Variants in ABAT observed in about 807,000 individuals in gnomAD.
ABAT encodes 4-aminobutyrate aminotransferase.
Under a neutral mutation model 64.6 loss-of-function variants are expected in ABAT, and 45 were observed. The observed-to-expected ratio is 0.70, with a 90% CI of 0.55 to 0.89. ABAT has a LOEUF of 0.89. Ranked by LOEUF, ABAT falls within the 40% of genes least tolerant of loss-of-function variation. The pLI is 0.00. For missense variants in ABAT, 633 were observed against 658.4 expected, an observed-to-expected ratio of 0.96 and a Z score of 0.42; for synonymous variants, 297 against 250.5, an observed-to-expected ratio of 1.19 and a Z score of -1.75.
At chr16:8,703,565 G>A (rs1056519666) in intron 1 of ABAT, among the ~76,000 whole-genome samples, 1 of 152,178 alleles carries the variant, frequency 6.6e-6, no homozygotes, top group Non-Finnish European at 1.5e-5. Context: ...ATGGCAAATG[G>A]TGACTTAGGG....
At chr16:8,728,404 A>T (rs1428766816) in intron 1 of ABAT, among the ~76,000 whole-genome samples, 2 of 152,196 alleles carry the variant, frequency 1.3e-5, no homozygotes, top group Non-Finnish European at 2.9e-5. Context: ...GGAGTTTCAA[A>T]AACGTGTTTA....
chr16:8,766,140 G>T (rs12448959), intron 8 of ABAT, 68 bp from the exon 9 acceptor site: 22 of 1,449,542 alleles, frequency 1.5e-5, no homozygotes, highest in Non-Finnish European at 2.1e-5. Flanking sequence ...ATATCGGTTT[G>T]GTTGGAAAGA....
chr16:8,710,713 A>AGGGAGG (rs368035906), intron 1 of ABAT, among the ~76,000 whole-genome samples: 1 of 145,976 alleles, frequency 6.9e-6, no homozygotes, highest in African/African-American at 2.6e-5. Flanking sequence ...AGAGAGAGAG[A>AGGGAGG]GAGAGAGAGA....
At chr16:8,724,439 T>A (rs900989924) in intron 1 of ABAT, among the ~76,000 whole-genome samples, 2 of 152,170 alleles carry the variant, frequency 1.3e-5, no homozygotes, top group African/African-American at 4.8e-5. Flanking sequence ...CACAGAAAAT[T>A]AGCTTCTCTC....
intron 1 of ABAT, chr16:8,722,920 C>G: frequency 8.0e-7 from 1 of 1,244,544 alleles, no homozygotes; most frequent in Non-Finnish European, 1.1e-6. Flanking sequence ...TCAGGTGTTT[C>G]TTAGAGTCCG....
intron 1 of ABAT, among the ~76,000 whole-genome samples, chr16:8,709,355 TTTATTTATTTA>T (rs2058019610): frequency 2.4e-4 from 3 of 12,350 alleles, no homozygotes; most frequent in African/African-American, 5.7e-4. Flanking sequence ...CACATTTTTA[TTTATTTATTTA>T]TTTATTTATT....
chr16:8,674,940 G>A (rs1211799105), intron 1 of ABAT, among the ~76,000 whole-genome samples: 1 of 152,032 alleles, frequency 6.6e-6, no homozygotes, highest in East Asian at 1.9e-4. Context: ...CCTGGCTCCA[G>A]CTCTAGACAG....
intron 10 of ABAT, 131 bp downstream of exon 10, chr16:8,768,387 G>A: frequency 1.0e-6 from 1 of 974,436 alleles, no homozygotes; most frequent in Non-Finnish European, 1.6e-6. Flanking sequence ...CTGCAGAGTG[G>A]GGATTATTAT....
rs769617067 is a variant in ABAT, at chr16:8,746,096, C to T, written c.166C>T (p.Gln56Ter). 6 of 1,612,470 alleles carry T rather than the reference C, an allele frequency of 3.7e-6. No homozygotes were observed. The South Asian group carries it at 4.4e-5, about 12-fold the overall frequency. Reference protein sequence around the residue: ...MKTEVPGPRSQELMKQLNIIQ... With the variant: ...MKTEVPGPRS The stretch of plus-strand genomic sequence containing the variant: ...GACGGAAGTCCCAGGGCCTAGATCT[C>T]AGGTGAGTTGAGCACACCTGAGTGG... Residue 56 changes from glutamine to a stop codon, truncating the protein, a stop_gained and splice_region_variant, in exon 3 of 16, where the codon CAG (glutamine) becomes TAG (stop). Coordinates refer to ENST00000268251, the MANE Select transcript of ABAT (RefSeq NM_020686.6). LOFTEE classifies it high-confidence loss of function.
intron 3 of ABAT, among the ~76,000 whole-genome samples, chr16:8,746,537 C>T (rs111919182): frequency 0.019 from 2,873 of 151,660 alleles, 89 homozygotes; most frequent in African/African-American, 0.066. Context: ...CGCACCACCA[C>T]GCCTGGCTAA....
At chr16:8,708,526 C>G (rs1294716937) in intron 1 of ABAT, among the ~76,000 whole-genome samples, 1 of 152,120 alleles carries the variant, frequency 6.6e-6, no homozygotes, top group African/African-American at 2.4e-5. Flanking sequence ...GTCTTGAACT[C>G]CTGAGCTCAA....
intron 11 of ABAT, 64 bp from the exon 12 acceptor site, chr16:8,772,716 C>T (rs941322248): frequency 6.2e-7 from 1 of 1,610,352 alleles, no homozygotes; most frequent in African/African-American, 1.3e-5. Context: ...ACCCCAGATT[C>T]CCACCCACGG....
At position 8,733,808 on chromosome 16, in the gene ABAT, G is replaced by A. The variant is rs550500388; in HGVS notation, c.-41-1891G>A. Among the ~76,000 whole-genome samples, 30 of 147,468 alleles carry A rather than the reference G, an allele frequency of 2.0e-4. No individual in the cohort carries two copies. In the South Asian group the frequency reaches 5.6e-3, roughly 28 times the overall value. ...TTCGGCTCAGCATGAGAGGGAGACC[G>A]TGGAAAGAGAGGGAGAGGGAGAGGG... is the stretch of plus-strand genomic sequence containing the variant. On this transcript the variant is annotated intron_variant, in intron 1 of 15. Coordinates refer to ENST00000268251, the MANE Select transcript of ABAT (RefSeq NM_020686.6).
intron 1 of ABAT, among the ~76,000 whole-genome samples, chr16:8,687,952 G>A (rs1463615419): frequency 6.6e-6 from 1 of 151,964 alleles, no homozygotes; most frequent in East Asian, 1.9e-4. Context: ...AAGCTGGAGT[G>A]CACTGGCACC....
At chr16:8,759,597 C>T (rs998970680) in intron 6 of ABAT, among the ~76,000 whole-genome samples, 5 of 152,166 alleles carry the variant, frequency 3.3e-5, no homozygotes, top group East Asian at 1.9e-4. Context: ...ACTGCAGCCT[C>T]GACCTCCCAG....
At chr16:8,727,517 G>A (rs192008524) in intron 1 of ABAT, among the ~76,000 whole-genome samples, 260 of 152,186 alleles carry the variant, frequency 1.7e-3, no homozygotes, top group Non-Finnish European at 1.7e-3. Flanking sequence ...GAATCTCCCC[G>A]TATTCCCTTA....
rs1197079805 is a variant in ABAT at position 8,781,369 on chromosome 16, G to C, written c.1442G>C (p.Arg481Thr). The change falls in exon 16 of 16, where the codon AGG becomes ACG. Residue 481 changes from arginine to threonine, a missense_variant. Transcript: ENST00000268251. This position sits in a 1 kb window ranked among gnomAD's most constrained non-coding sequence, Gnocchi z 4.5. ...SIRFRPTLVF[R>T]DHHAHLFLNI... is the part of the protein sequence containing the mutation. ...CGTTTCCGTCCCACGCTGGTCTTCAGGGATCACCACGCTCACCTGTTCCTC... is the reference window on the plus strand; with the variant it reads ...CGTTTCCGTCCCACGCTGGTCTTCACGGATCACCACGCTCACCTGTTCCTC... 6.2e-7 allele frequency: 1 copy of C among 1,614,198 alleles called. No individual in the cohort carries two copies. Among genetic ancestry groups the C allele is most frequent in the South Asian group, 1.1e-5 (1 of 91,086 alleles).
chr16:8,748,502 T>C (rs972515421), intron 4 of ABAT, among the ~76,000 whole-genome samples: 7 of 152,184 alleles, frequency 4.6e-5, no homozygotes, highest in Non-Finnish European at 1.0e-4. Context: ...AGAATCTATA[T>C]TCTGCTGTTG....
At chr16:8,719,888 T>G (rs770504006) in intron 1 of ABAT, among the ~76,000 whole-genome samples, 2 of 152,248 alleles carry the variant, frequency 1.3e-5, no homozygotes, top group African/African-American at 4.8e-5. Flanking sequence ...CTCTACTCAC[T>G]GCAACATTCG....
Sources: gnomAD v4.1 joint callset for allele counts (sites outside exome capture counted in the v4.1 genomes callset) on GRCh38, gnomAD v4.1.1 for gene constraint, Gnocchi (gnomAD v3.1) non-coding constraint, MANE v1.5 for transcripts, NCBI Gene and HGNC (gene_info 2026-07-23, HGNC 2026-07-21) for gene names.